ZNF704: variants seen among roughly 807,000 people sequenced by gnomAD.
ZNF704 encodes the protein glucocorticoid induced gene 1.
A neutral mutation model predicts 44.7 loss-of-function variants in ZNF704; 10 were observed. The observed-to-expected ratio is 0.22, with a 90% CI of 0.14 to 0.38. ZNF704 has a LOEUF of 0.38. Ranked by LOEUF, ZNF704 falls within the 10% of genes least tolerant of loss-of-function variation. The pLI is 1.00. For synonymous variants in ZNF704, 211 were observed against 207.6 expected, an observed-to-expected ratio of 1.02 and a Z score of -0.14; for missense variants, 390 against 545.5, an observed-to-expected ratio of 0.71 and a Z score of 2.84.
chr8:80,701,848 G>C (rs1052030221), intron 2 of ZNF704, among the ~76,000 whole-genome samples: 8 of 152,186 alleles, frequency 5.3e-5, no homozygotes, highest in African/African-American at 1.7e-4. Context: ...GACTGCTGTG[G>C]GTTGTGGGGT....
chr8:80,684,257 A>G (rs112576627), intron 4 of ZNF704, among the ~76,000 whole-genome samples: 3 of 152,334 alleles, frequency 2.0e-5, no homozygotes, highest in African/African-American at 7.2e-5. Flanking sequence ...GAAGCTTCCA[A>G]ACTTTTTTGC....
chr8:80,749,720 T>C (rs1171830210), intron 2 of ZNF704: 2 of 152,972 alleles, frequency 1.3e-5, no homozygotes, highest in Admixed American at 6.5e-5. Context: ...TTTTAATGCA[T>C]AGAGAAAAAC....
At chr8:80,815,847 G>A (rs781238551) in intron 2 of ZNF704, among the ~76,000 whole-genome samples, 2 of 152,174 alleles carry the variant, frequency 1.3e-5, no homozygotes, top group Non-Finnish European at 2.9e-5. Flanking sequence ...GAACTTCCTA[G>A]CACAGATGTC....
intron 2 of ZNF704, among the ~76,000 whole-genome samples, chr8:80,738,135 G>A (rs754001984): frequency 6.6e-6 from 1 of 152,180 alleles, no homozygotes; most frequent in African/African-American, 2.4e-5. Context: ...CAAAGATGAA[G>A]TGCCCTTTTC....
In ZNF704 at chr8:80,758,228, T is replaced by C. The variant is rs77981543; in HGVS notation, c.221+63146A>G. On this transcript the variant is annotated intron_variant, in intron 2 of 8. Coordinates refer to ENST00000327835, the MANE Select transcript of ZNF704 (RefSeq NM_001033723.3). ...CAGCTAGTCACCAAATTATCAGTTATCACAGGAACCGGCAAGCGGAGCAGA... is the reference window on the plus strand; with the variant it reads ...CAGCTAGTCACCAAATTATCAGTTACCACAGGAACCGGCAAGCGGAGCAGA... Among the ~76,000 whole-genome samples the C allele has an allele frequency of 2.0e-3, 302 of 152,348 alleles. 1 individual carries two copies. The highest frequency in any genetic ancestry group is 7.0e-3 in the African/African-American group (291 of 41,580).
chr8:80,786,452 C>G lies in ZNF704; in HGVS notation c.221+34922G>C, dbSNP rs372959399. ...ACCATTCCTCTCTTTCTTCAAACTT[C>G]CACAAGGATGTTTGGTTTGAAAAAG... On this transcript the variant is annotated intron_variant, in intron 2 of 8. Coordinates refer to ENST00000327835, the MANE Select transcript of ZNF704 (RefSeq NM_001033723.3). 9.9e-5 allele frequency among the ~76,000 whole-genome samples: 15 copies of G among 152,254 alleles called. No individual in the cohort carries two copies. The East Asian group carries it at 2.9e-3, about 29-fold the overall frequency.
At chr8:80,782,434 T>C (rs902430291) in intron 2 of ZNF704, among the ~76,000 whole-genome samples, 23 of 152,022 alleles carry the variant, frequency 1.5e-4, no homozygotes, top group Non-Finnish European at 2.6e-4. Flanking sequence ...TTAACTAGAG[T>C]CTCAACAAGA....
chr8:80,851,389 C>A (rs948339466), intron 1 of ZNF704, among the ~76,000 whole-genome samples: 1 of 152,030 alleles, frequency 6.6e-6, no homozygotes, highest in Non-Finnish European at 1.5e-5. Flanking sequence ...TACTATGCAG[C>A]CATAAAAAAA....
intron 1 of ZNF704, among the ~76,000 whole-genome samples, chr8:80,846,684 A>G (rs1404587000): frequency 6.6e-6 from 1 of 152,196 alleles, no homozygotes; most frequent in African/African-American, 2.4e-5. Flanking sequence ...CTCCAGAAAA[A>G]TTTAACTCAA....
Position 80,670,826 on chromosome 8 carries a change from A to G in ZNF704, c.559-223T>C, listed in dbSNP as rs1489924923. On this transcript the variant is annotated intron_variant, in intron 4 of 8. Coordinates refer to ENST00000327835, the MANE Select transcript of ZNF704 (RefSeq NM_001033723.3). ...CAAGAGAAATGGGCTCTGCTGGAAT[A>G]TTTCAGATCATGTTCATGAAGGTAG... Among the ~76,000 whole-genome samples, 5 of 152,142 alleles carry G rather than the reference A, an allele frequency of 3.3e-5. No homozygotes were observed. The East Asian group carries it at 9.6e-4, about 29-fold the overall frequency.
At chr8:80,752,442 A>G (rs941128472) in intron 2 of ZNF704, among the ~76,000 whole-genome samples, 7 of 151,636 alleles carry the variant, frequency 4.6e-5, no homozygotes, top group Non-Finnish European at 8.8e-5. Flanking sequence ...TTCAAAGTGT[A>G]TTTTATTTAA....
chr8:80,802,664 A>G (rs1351971116), intron 2 of ZNF704, among the ~76,000 whole-genome samples: 1 of 152,202 alleles, frequency 6.6e-6, no homozygotes, highest in African/African-American at 2.4e-5. Flanking sequence ...AACTCTCAAT[A>G]AACTAGATAC....
chr8:80,737,978 C>G (rs889639296), intron 2 of ZNF704, among the ~76,000 whole-genome samples: 5 of 152,148 alleles, frequency 3.3e-5, no homozygotes, highest in Admixed American at 3.3e-4. Flanking sequence ...TAGTCTGGAA[C>G]AGTTTCTCAG....
chr8:80,696,713 C>T (rs574849149), intron 2 of ZNF704, among the ~76,000 whole-genome samples: 15 of 152,146 alleles, frequency 9.9e-5, no homozygotes, highest in African/African-American at 1.7e-4. Context: ...CCAATGCGCC[C>T]GGCCAGATTT....
At chr8:80,802,733 A>T (rs1230774714) in intron 2 of ZNF704, among the ~76,000 whole-genome samples, 1 of 152,214 alleles carries the variant, frequency 6.6e-6, no homozygotes, top group Non-Finnish European at 1.5e-5. Flanking sequence ...AGCCAATATC[A>T]TACTGAATGG....
intron 2 of ZNF704, among the ~76,000 whole-genome samples, chr8:80,715,469 C>T (rs192128932): frequency 6.6e-6 from 1 of 152,312 alleles, no homozygotes; most frequent in East Asian, 1.9e-4. Context: ...ATTGGACTGG[C>T]ATATTCCTAA....
the ZNF704 span, among the ~76,000 whole-genome samples, chr8:80,881,122 C>A: frequency 6.6e-6 from 1 of 152,172 alleles, no homozygotes; most frequent in Non-Finnish European, 1.5e-5. Context: ...TCAGTGTGTG[C>A]AATGCAGTTG....
intron 2 of ZNF704, among the ~76,000 whole-genome samples, chr8:80,777,458 A>G (rs973927191): frequency 6.6e-6 from 1 of 152,194 alleles, no homozygotes; most frequent in Non-Finnish European, 1.5e-5. Flanking sequence ...TCATACTACA[A>G]TGAACATCTG....
At chr8:80,717,919 C>A (rs911234768) in intron 2 of ZNF704, among the ~76,000 whole-genome samples, 1 of 152,202 alleles carries the variant, frequency 6.6e-6, no homozygotes, top group African/African-American at 2.4e-5. Context: ...TTCTCTCTCA[C>A]ATATTTACAG....
Sources: allele counts gnomAD v4.1 joint callset (sites outside exome capture counted in the v4.1 genomes callset), GRCh38; gene constraint gnomAD v4.1.1; transcripts MANE v1.5; gene names NCBI Gene and HGNC (gene_info 2026-07-23, HGNC 2026-07-21).